ATP10B: variants seen among roughly 807,000 people sequenced by gnomAD.
The protein encoded by ATP10B is ATPase phospholipid transporting 10B (putative).
ATP10B carries 122 observed loss-of-function variants against 141.2 expected under a neutral mutation model. That is an observed-to-expected ratio of 0.86 (90% CI 0.75 to 1.00). ATP10B has a LOEUF of 1.00. Ranked by LOEUF, ATP10B falls within the 50% of genes least tolerant of loss-of-function variation. The pLI, the probability that ATP10B is intolerant of heterozygous loss-of-function variation, is 0.00. For missense variants in ATP10B, 1,876 were observed against 1,825.3 expected, an observed-to-expected ratio of 1.03 and a Z score of -0.51; for synonymous variants, 685 against 692.0, an observed-to-expected ratio of 0.99 and a Z score of 0.16.
At chr5:160,721,098 T>G (rs1765969731) in intron 2 of ATP10B, among the ~76,000 whole-genome samples, 1 of 152,208 alleles carries the variant, frequency 6.6e-6, no homozygotes, top group Non-Finnish European at 1.5e-5. Context: ...AGTTGCCATC[T>G]GGGCCTTCAT....
chr5:160,620,909 C>T lies in ATP10B; in HGVS notation c.1854G>A (p.Leu618=). The part of the protein sequence containing the change: ...KPSSKALGTS[L]EKIQQLFQKL... ...TCTGGAAGAGCTGCTGAATCTTCTC[C>T]AGGGACGTCCCCAGAGCCTTGCTTG... is the stretch of plus-strand genomic sequence containing the variant. Residue 618 remains leucine (L), a synonymous_variant, in exon 15 of 26, where the codon CTG becomes CTA. Transcript: ENST00000327245. The T allele has an allele frequency of 6.2e-7, 1 of 1,614,122 alleles. No individual in the cohort carries two copies. The highest frequency in any genetic ancestry group is 8.5e-7 in the Non-Finnish European group (1 of 1,180,008).
chr5:160,634,025 G>T (rs1759141121), intron 12 of ATP10B: 7 of 404,066 alleles, frequency 1.7e-5, no homozygotes, highest in South Asian at 1.5e-4. Flanking sequence ...TTGTGTGACT[G>T]GCACACAATT....
At chr5:160,903,237 G>A in the ATP10B span, among the ~76,000 whole-genome samples, 1 of 152,128 alleles carries the variant, frequency 6.6e-6, no homozygotes, top group Non-Finnish European at 1.5e-5. Context: ...AACCTGGTCT[G>A]CTGACTAGAA....
chr5:160,648,355 T>C (rs996662145), intron 8 of ATP10B, among the ~76,000 whole-genome samples: 2 of 152,178 alleles, frequency 1.3e-5, no homozygotes, highest in African/African-American at 4.8e-5. Context: ...CATCAGCTAT[T>C]GTTAGGGTTA....
chr5:160,723,111 A>G (rs1766093849), intron 2 of ATP10B, among the ~76,000 whole-genome samples: 1 of 152,222 alleles, frequency 6.6e-6, no homozygotes. Flanking sequence ...ACAAATGGAC[A>G]AGTATGTGTG....
At position 160,644,229 on chromosome 5, in the gene ATP10B, C is replaced by G. The variant is rs753494750; in HGVS notation, c.777G>C (p.Gln259His). ...TCTCACAGCCAAAGCCAGTCCTGGT[C>G]TGGTCAGGATGCTCCCTGGGGATGA... is the stretch of plus-strand genomic sequence containing the variant. ...KFKGYMEHPD[Q>H]TRTGFGCESL... Residue 259 changes from glutamine (Q) to histidine (H), a missense_variant, in exon 9 of 26, where the codon CAG becomes CAC. Physicochemically the swap from Gln to His is conservative, Grantham distance 24 (BLOSUM62 0). Coordinates refer to ENST00000327245, the MANE Select transcript of ATP10B (RefSeq NM_025153.3). 8 of 1,613,866 alleles carry G rather than the reference C, an allele frequency of 5.0e-6. No individual in the cohort carries two copies. Among genetic ancestry groups the G allele is most frequent in the Non-Finnish European group, 5.1e-6 (6 of 1,179,858 alleles).
At chr5:160,721,168 A>T (rs954278668) in intron 2 of ATP10B, among the ~76,000 whole-genome samples, 7 of 152,322 alleles carry the variant, frequency 4.6e-5, no homozygotes, top group African/African-American at 1.7e-4. Flanking sequence ...ATGTCAGAAC[A>T]CCTCGGGGTT....
intron 10 of ATP10B, among the ~76,000 whole-genome samples, chr5:160,637,187 T>C (rs1421272953): frequency 6.6e-6 from 1 of 151,426 alleles, no homozygotes; most frequent in African/African-American, 2.4e-5. Flanking sequence ...CATCAGTTTT[T>C]CTATCCATTC....
At chr5:160,782,438 T>TACACAC (rs57112303) in intron 2 of ATP10B, among the ~76,000 whole-genome samples, 6,075 of 141,078 alleles carry the variant, frequency 0.043, 129 homozygotes, top group Middle Eastern at 0.071. Context: ...TCTTCCTCCA[T>TACACAC]ACACACACAC....
At chr5:160,905,886 G>A in the ATP10B span, among the ~76,000 whole-genome samples, 1 of 149,024 alleles carries the variant, frequency 6.7e-6, no homozygotes, top group African/African-American at 2.5e-5. Context: ...TCACTGGCCT[G>A]AAAAAAAAAA....
chr5:160,895,439 A>T, the ATP10B span, among the ~76,000 whole-genome samples: 3 of 152,166 alleles, frequency 2.0e-5, no homozygotes, highest in Non-Finnish European at 4.4e-5. Context: ...ACCAACAAAG[A>T]CAAAAAAAGA....
the ATP10B span, among the ~76,000 whole-genome samples, chr5:160,873,533 A>T: frequency 6.6e-6 from 1 of 152,242 alleles, no homozygotes; most frequent in Non-Finnish European, 1.5e-5. Flanking sequence ...TCGAGGAGCC[A>T]AGTTGGCCGA....
chr5:160,599,092 T>A (rs1328995426), intron 21 of ATP10B, 122 bp from the exon 22 acceptor site: 1 of 766,094 alleles, frequency 1.3e-6, no homozygotes, highest in African/African-American at 1.7e-5. Context: ...CACAGGGTTA[T>A]GTAAGGATGA....
chr5:160,724,191 A>G lies in ATP10B; in HGVS notation c.-330-7157T>C, dbSNP rs139544654. Among the ~76,000 whole-genome samples the G allele has an allele frequency of 3.2e-4, 49 of 151,474 alleles. No homozygotes were observed. In the East Asian group the frequency reaches 8.0e-3, roughly 25 times the overall value. Reference sequence around the variant, plus strand: ...TGGGTATTAGGCTTAGTACATGGGTAATGAAATAATCTGTACCATGAACCC... The same window carrying G: ...TGGGTATTAGGCTTAGTACATGGGTGATGAAATAATCTGTACCATGAACCC... On this transcript the variant is annotated intron_variant, in intron 2 of 25. Coordinates refer to ENST00000327245, the MANE Select transcript of ATP10B (RefSeq NM_025153.3).
intron 12 of ATP10B, 73 bp downstream of exon 12, chr5:160,634,281 A>G: frequency 6.3e-7 from 1 of 1,596,710 alleles, no homozygotes; most frequent in Non-Finnish European, 8.6e-7. Context: ...AATGTCTTTT[A>G]TCTCCTCGTT....
intron 15 of ATP10B, among the ~76,000 whole-genome samples, chr5:160,619,071 C>T (rs367743908): frequency 5.9e-5 from 9 of 152,070 alleles, no homozygotes; most frequent in Admixed American, 3.3e-4. Context: ...GTGTTGCTGG[C>T]GCCTTAAGCA....
chr5:160,677,956 C>T (rs1763138252), intron 6 of ATP10B, among the ~76,000 whole-genome samples: 2 of 152,104 alleles, frequency 1.3e-5, no homozygotes, highest in South Asian at 4.1e-4. Context: ...AACATAGAGT[C>T]TATGTTAAGA....
chr5:160,599,869 C>T (rs1756988719), intron 21 of ATP10B, among the ~76,000 whole-genome samples: 1 of 152,150 alleles, frequency 6.6e-6, no homozygotes, highest in Admixed American at 6.5e-5. Context: ...ACTAGAACTT[C>T]TCAGTTATGT....
At position 160,754,700 on chromosome 5, in the gene ATP10B, C is replaced by T. The variant is rs114665427; in HGVS notation, c.-331+30859G>A. The stretch of plus-strand genomic sequence containing the variant: ...TCTTTGTGGATGGGCAGGCTAATCA[C>T]CAAATGACTATACCAGCAGAACCCT... On this transcript the variant is annotated intron_variant, in intron 2 of 25. Coordinates refer to ENST00000327245, the MANE Select transcript of ATP10B (RefSeq NM_025153.3). Among the ~76,000 whole-genome samples the T allele has an allele frequency of 9.0e-3, 1,367 of 152,256 alleles. 13 individuals carry two copies. Among genetic ancestry groups the T allele is most frequent in the Non-Finnish European group, 0.015 (1,042 of 68,020 alleles).
Sources: gnomAD v4.1 joint callset for allele counts (sites outside exome capture counted in the v4.1 genomes callset) on GRCh38, gnomAD v4.1.1 for gene constraint, MANE v1.5 for transcripts, NCBI Gene and HGNC (gene_info 2026-07-23, HGNC 2026-07-21) for gene names.